ACOT12: variants seen among roughly 807,000 people sequenced by gnomAD.
ACOT12 encodes acetyl-coenzyme A thioesterase.
A neutral mutation model predicts 67.7 loss-of-function variants in ACOT12; 51 were observed. That is an observed-to-expected ratio of 0.75 (90% CI 0.60 to 0.95). The LOEUF (loss-of-function observed/expected upper bound fraction) is 0.95. ACOT12 is among the 40% of genes least tolerant of loss of function. The pLI, the probability that ACOT12 is intolerant of heterozygous loss-of-function variation, is 0.00. For synonymous variants in ACOT12, 251 were observed against 244.6 expected, an observed-to-expected ratio of 1.03 and a Z score of -0.24; for missense variants, 734 against 708.1, an observed-to-expected ratio of 1.04 and a Z score of -0.41.
At chr5:81,310,459 TAA>T in the ACOT12 span, among the ~76,000 whole-genome samples, 6 of 151,972 alleles carry the variant, frequency 3.9e-5, no homozygotes, top group Middle Eastern at 0.017. Flanking sequence ...ATGTTAAAAA[TAA>T]AGTCAAGATT....
At chr5:81,371,846 T>C in intron 2 of ACOT12, 36 bp from the exon 3 acceptor site, 1 of 1,578,278 alleles carries the variant, frequency 6.3e-7, no homozygotes, top group Non-Finnish European at 8.7e-7. Flanking sequence ...TCAGTAGTTT[T>C]AGCACATTTC....
chr5:81,356,695 C>T (rs1273210038), intron 5 of ACOT12, among the ~76,000 whole-genome samples: 3 of 152,068 alleles, frequency 2.0e-5, no homozygotes, highest in Non-Finnish European at 4.4e-5. Context: ...TCCAAGCAGA[C>T]ACCCAGGAGT....
intron 2 of ACOT12, among the ~76,000 whole-genome samples, chr5:81,385,199 A>G (rs895390929): frequency 6.6e-6 from 1 of 152,182 alleles, no homozygotes; most frequent in African/African-American, 2.4e-5. Context: ...CTGTAATCCC[A>G]GCACCTTGGG....
chr5:81,331,634 G>T (rs549763525), intron 13 of ACOT12, among the ~76,000 whole-genome samples: 1 of 152,044 alleles, frequency 6.6e-6, no homozygotes, highest in African/African-American at 2.4e-5. Context: ...GTCCAATTGC[G>T]CTCCCATGCT....
chr5:81,309,463 T>C, the ACOT12 span, among the ~76,000 whole-genome samples: 7 of 152,220 alleles, frequency 4.6e-5, no homozygotes, highest in African/African-American at 1.7e-4. Flanking sequence ...GAATTTTTTT[T>C]CTTAGTTATT....
At chr5:81,312,854 G>A in the ACOT12 span, 2 of 412,938 alleles carry the variant, frequency 4.8e-6, no homozygotes, top group East Asian at 3.8e-5. Context: ...GGAGAAAATT[G>A]AAGAAAAGAA....
intron 9 of ACOT12, 26 bp downstream of exon 9, chr5:81,344,134 A>T: frequency 6.2e-7 from 1 of 1,608,838 alleles, no homozygotes; most frequent in Non-Finnish European, 8.5e-7. Context: ...AGACTCCATA[A>T]AATCATTACA....
intron 3 of ACOT12, among the ~76,000 whole-genome samples, chr5:81,365,764 C>T (rs998446182): frequency 1.3e-5 from 2 of 152,108 alleles, no homozygotes; most frequent in African/African-American, 4.8e-5. Flanking sequence ...GAGAGCACTG[C>T]GTTCCCAGGT....
At chr5:81,357,609 G>A (rs1281954638) in intron 5 of ACOT12, among the ~76,000 whole-genome samples, 1 of 152,144 alleles carries the variant, frequency 6.6e-6, no homozygotes, top group Non-Finnish European at 1.5e-5. Flanking sequence ...CCGGGCAAAA[G>A]GGTGGAGAAT....
chr5:81,375,695 T>A (rs947685020), intron 2 of ACOT12, among the ~76,000 whole-genome samples: 1 of 151,020 alleles, frequency 6.6e-6, no homozygotes, highest in African/African-American at 2.4e-5. Context: ...GCATCCTAGT[T>A]TCTGATAAAA....
At chr5:81,312,711 C>A in the ACOT12 span, 1 of 1,381,282 alleles carries the variant, frequency 7.2e-7, no homozygotes, top group Non-Finnish European at 1.0e-6. Flanking sequence ...ACTTTCTAAA[C>A]CAGGCCCGCT....
At chr5:81,343,719 A>G in intron 10 of ACOT12, 99 bp downstream of exon 10, 1 of 1,151,522 alleles carries the variant, frequency 8.7e-7, no homozygotes. Flanking sequence ...CTTTTCACAT[A>G]GCCTGCGTAG....
intron 5 of ACOT12, among the ~76,000 whole-genome samples, chr5:81,357,151 T>C (rs1231300475): frequency 2.6e-5 from 4 of 152,116 alleles, no homozygotes; most frequent in Admixed American, 2.6e-4. Context: ...TTCCCAACTT[T>C]CTTCTCATAG....
At chr5:81,323,287 C>A in the ACOT12 span, among the ~76,000 whole-genome samples, 1 of 152,078 alleles carries the variant, frequency 6.6e-6, no homozygotes, top group Non-Finnish European at 1.5e-5. Context: ...GAGATCTAGG[C>A]TGGGCATACC....
At chr5:81,309,039 G>A in the ACOT12 span, 3 of 1,606,952 alleles carry the variant, frequency 1.9e-6, no homozygotes, top group Non-Finnish European at 2.5e-6. Context: ...TATGCTGATG[G>A]TAAGTACTGT....
At chr5:81,353,933 C>T (rs1389529473) in intron 5 of ACOT12, among the ~76,000 whole-genome samples, 3 of 152,192 alleles carry the variant, frequency 2.0e-5, no homozygotes, top group African/African-American at 7.2e-5. Flanking sequence ...ACACAATGTC[C>T]TATCAAAAAC....
chr5:81,344,830 T>C, intron 8 of ACOT12, 61 bp downstream of exon 8: 1 of 1,585,544 alleles, frequency 6.3e-7, no homozygotes, highest in South Asian at 1.1e-5. Context: ...TGGGAGGAGA[T>C]TCTAGGTAGA....
chr5:81,332,147 T>C (rs1485707183), intron 13 of ACOT12, among the ~76,000 whole-genome samples: 1 of 152,210 alleles, frequency 6.6e-6, no homozygotes, highest in African/African-American at 2.4e-5. Context: ...CCTTGGTGAA[T>C]TCTAAACCAA....
chr5:81,312,779 A>G, the ACOT12 span: 1 of 708,176 alleles, frequency 1.4e-6, no homozygotes, highest in Admixed American at 2.6e-5. Flanking sequence ...TATCAGTATG[A>G]TCTGGGTGTG....
Sources: allele counts gnomAD v4.1 joint callset (sites outside exome capture counted in the v4.1 genomes callset), GRCh38; gene constraint gnomAD v4.1.1; transcripts MANE v1.5; gene names NCBI Gene and HGNC (gene_info 2026-07-23, HGNC 2026-07-21).